ASTN1: variants seen among roughly 807,000 people sequenced by gnomAD.
The protein encoded by ASTN1 is astrotactin-1.
A neutral mutation model predicts 140.7 loss-of-function variants in ASTN1; 41 were observed. That is an observed-to-expected ratio of 0.29 (90% CI 0.23 to 0.38). The LOEUF (loss-of-function observed/expected upper bound fraction) is 0.38. Among genes scored for constraint, ASTN1 ranks in the 10% least tolerant of loss-of-function variants. ASTN1 has a pLI of 1.00. For synonymous variants in ASTN1, 640 were observed against 652.2 expected, an observed-to-expected ratio of 0.98 and a Z score of 0.29; for missense variants, 1,479 against 1,678.8, an observed-to-expected ratio of 0.88 and a Z score of 2.08.
intron 5 of ASTN1, 164 bp downstream of exon 5, chr1:177,029,470 C>T: frequency 1.3e-6 from 1 of 792,402 alleles, no homozygotes; most frequent in Non-Finnish European, 2.3e-6. Context: ...CTAGGCTCTT[C>T]TTTCTTCCTT....
intron 1 of ASTN1, among the ~76,000 whole-genome samples, chr1:177,126,177 T>A (rs1331418328): frequency 6.6e-6 from 1 of 152,188 alleles, no homozygotes. Context: ...ATCATCATTA[T>A]CCTATCAGAT....
intron 2 of ASTN1, among the ~76,000 whole-genome samples, chr1:177,056,420 G>A (rs966208845): frequency 3.3e-5 from 5 of 152,130 alleles, no homozygotes; most frequent in Non-Finnish European, 7.3e-5. Context: ...AGCAGTAGAA[G>A]GCCATGGGGG....
intron 2 of ASTN1, among the ~76,000 whole-genome samples, chr1:177,035,110 G>A (rs35506438): frequency 0.14 from 21,913 of 152,176 alleles, 1,951 homozygotes; most frequent in East Asian, 0.26. Context: ...TGTTCAAAAG[G>A]TTCCTCACTT....
At chr1:177,053,803 C>A (rs150085744) in intron 2 of ASTN1, among the ~76,000 whole-genome samples, 1 of 152,242 alleles carries the variant, frequency 6.6e-6, no homozygotes, top group East Asian at 1.9e-4. Flanking sequence ...CCAATAAACC[C>A]ACCACCAGCT....
intron 1 of ASTN1, among the ~76,000 whole-genome samples, chr1:177,103,829 A>G (rs1388999940): frequency 6.6e-6 from 1 of 152,180 alleles, no homozygotes. Flanking sequence ...CTAAGACAGT[A>G]ACAGGCAATC....
intron 1 of ASTN1, among the ~76,000 whole-genome samples, chr1:177,118,895 G>A (rs1681235993): frequency 6.6e-6 from 1 of 152,112 alleles, no homozygotes; most frequent in South Asian, 2.1e-4. Flanking sequence ...TTACTGGGTG[G>A]GAGGCCTTGG....
chr1:176,866,861 T>A lies in ASTN1; in HGVS notation c.3647+1983A>T, dbSNP rs138032673. ...GGAAGTAAGTAGCCATAGACCCTTT[T>A]CTACTCATCTTCACAATTAACCCCA... On this transcript the variant is annotated intron_variant, in intron 22 of 22. Coordinates refer to ENST00000361833, the MANE Select transcript of ASTN1 (RefSeq NM_004319.3). Among the ~76,000 whole-genome samples the A allele has an allele frequency of 1.5e-3, 236 of 152,326 alleles. 1 individual carries two copies. Among genetic ancestry groups the A allele is most frequent in the African/African-American group, 5.4e-3 (226 of 41,570 alleles).
chr1:176,947,441 T>C (rs985908467), intron 12 of ASTN1, among the ~76,000 whole-genome samples: 6 of 152,240 alleles, frequency 3.9e-5, no homozygotes, highest in African/African-American at 1.4e-4. Flanking sequence ...TTGGTCTTTA[T>C]ATAAGAATCT....
Position 177,131,192 on chromosome 1 carries a change from G to T in ASTN1, c.283+33202C>A, listed in dbSNP as rs565830249. On this transcript the variant is annotated intron_variant, in intron 1 of 22. Coordinates refer to ENST00000361833, the MANE Select transcript of ASTN1 (RefSeq NM_004319.3). ...TAAATTAATACAACCCTTCTGGAAA[G>T]CCATTTGGTAATATGTTCCAAGAAC... is the stretch of plus-strand genomic sequence containing the variant. 2.0e-5 allele frequency among the ~76,000 whole-genome samples: 3 copies of T among 152,268 alleles called. No individual in the cohort carries two copies. In the South Asian group the frequency reaches 6.2e-4, roughly 32 times the overall value.
At chr1:177,163,244 C>T (rs1647493014) in intron 1 of ASTN1, among the ~76,000 whole-genome samples, 1 of 152,064 alleles carries the variant, frequency 6.6e-6, no homozygotes, top group Non-Finnish European at 1.5e-5. Flanking sequence ...TTTTTCTCTA[C>T]TTGGATCTAG....
At chr1:177,100,337 G>A (rs1680240263) in intron 1 of ASTN1, among the ~76,000 whole-genome samples, 1 of 151,884 alleles carries the variant, frequency 6.6e-6, no homozygotes, top group South Asian at 2.1e-4. Flanking sequence ...TTAAAAAAAA[G>A]CCTTAGGCAA....
At position 176,864,496 on chromosome 1, in the gene ASTN1, G is replaced by A; in HGVS notation, c.3673C>T (p.Leu1225Phe). 6.2e-7 allele frequency: 1 copy of A among 1,614,086 alleles called. No homozygotes were observed. Among genetic ancestry groups the A allele is most frequent in the South Asian group, 1.1e-5 (1 of 91,070 alleles). The change falls in exon 23 of 23, where the codon CTT becomes TTT. Residue 1225 changes from leucine to phenylalanine, a missense_variant. Physicochemically the swap from Leu to Phe is conservative, Grantham distance 22. Around this residue, in one of 3 missense-constraint regions of ASTN1, gnomAD observed 746 missense variants for 800.9 expected, o/e 0.93. Transcript: ENST00000361833. ...TTGCACCAACTGCTGAGGTCCCCAA[G>A]CTGGGAAAGGATGAGACCAGCTTTC... ...PRKAGLILSQ[L>F]GDLSSWCNGL... is the part of the protein sequence containing the mutation.
At chr1:177,119,742 C>T (rs1201629944) in intron 1 of ASTN1, among the ~76,000 whole-genome samples, 1 of 152,118 alleles carries the variant, frequency 6.6e-6, no homozygotes, top group South Asian at 2.1e-4. Context: ...TGTCTCTGTA[C>T]TTCATTTTCC....
chr1:177,158,358 A>C, intron 1 of ASTN1, among the ~76,000 whole-genome samples: 1 of 152,288 alleles, frequency 6.6e-6, no homozygotes, highest in East Asian at 1.9e-4. Context: ...TATTGAAATA[A>C]TTTTTTTAAA....
chr1:176,936,326 G>C lies in ASTN1; in HGVS notation c.2422C>G (p.His808Asp), dbSNP rs942486233. The stretch of plus-strand genomic sequence containing the variant: ...TACATCACAGACCGGACCTTCCAGT[G>C]CTGCAGCACAGGGTACCCAGACACT... ...SEVSGYPVLQHWKVRSVMYHI... is the reference protein window; with the variant it reads ...SEVSGYPVLQDWKVRSVMYHI... The change falls in exon 15 of 23, where the codon CAC becomes GAC. Residue 808 changes from histidine to aspartate, a missense_variant. By Grantham distance (81) the His-to-Asp change is moderately conservative (BLOSUM62 -1). Around this residue, in one of 3 missense-constraint regions of ASTN1, gnomAD observed 746 missense variants for 800.9 expected, o/e 0.93. Transcript: ENST00000361833. 34 of 1,613,638 alleles carry C rather than the reference G, an allele frequency of 2.1e-5. No homozygotes were observed. The highest frequency in any genetic ancestry group is 2.8e-5 in the Non-Finnish European group (33 of 1,179,984).
intron 8 of ASTN1, chr1:176,976,381 C>T (rs1457061585): frequency 2.0e-5 from 3 of 152,198 alleles, no homozygotes; most frequent in Non-Finnish European, 2.9e-5. Flanking sequence ...TCTTCCTCCT[C>T]TCTCACCCTG....
chr1:177,026,613 T>A (rs1466057228), intron 5 of ASTN1, among the ~76,000 whole-genome samples: 5 of 152,150 alleles, frequency 3.3e-5, no homozygotes, highest in African/African-American at 1.2e-4. Flanking sequence ...TTGTACCAAT[T>A]TACATTCCCA....
At chr1:176,907,355 T>C (rs1003469115) in intron 16 of ASTN1, among the ~76,000 whole-genome samples, 18 of 152,192 alleles carry the variant, frequency 1.2e-4, no homozygotes, top group Admixed American at 7.2e-4. Flanking sequence ...TCCTTAGGCA[T>C]TTAATATCAT....
At chr1:176,969,131 A>T (rs975538886) in intron 8 of ASTN1, among the ~76,000 whole-genome samples, 1 of 152,176 alleles carries the variant, frequency 6.6e-6, no homozygotes, top group Non-Finnish European at 1.5e-5. Flanking sequence ...TTTTGAGTGC[A>T]AGTGAAAGTA....
Sources: allele counts gnomAD v4.1 joint callset (sites outside exome capture counted in the v4.1 genomes callset), GRCh38; gene constraint gnomAD v4.1.1; regional missense constraint gnomAD v4.1.1; transcripts MANE v1.5; gene names NCBI Gene and HGNC (gene_info 2026-07-23, HGNC 2026-07-21).